Variants in SLC2A13 observed in about 807,000 individuals in gnomAD.
The protein encoded by SLC2A13 is solute carrier family 2 member 13, also known as proton myo-inositol cotransporter.
Under a neutral mutation model 64.4 loss-of-function variants are expected in SLC2A13, and 32 were observed. That is an observed-to-expected ratio of 0.50 (90% confidence interval 0.37 to 0.67). The LOEUF is 0.67. Among genes scored for constraint, SLC2A13 ranks in the 30% least tolerant of loss-of-function variants. SLC2A13 has a pLI of 0.00. For synonymous variants in SLC2A13, 338 were observed against 327.1 expected, an observed-to-expected ratio of 1.03 and a Z score of -0.36; for missense variants, 743 against 829.2, an observed-to-expected ratio of 0.90 and a Z score of 1.28.
chr12:39,841,323 G>A (rs1304430090), intron 6 of SLC2A13, among the ~76,000 whole-genome samples: 15 of 152,090 alleles, frequency 9.9e-5, no homozygotes, highest in Non-Finnish European at 1.5e-5. Context: ...GCAACTGATT[G>A]TCTAATCCTT....
intron 5 of SLC2A13, among the ~76,000 whole-genome samples, chr12:39,868,821 G>T (rs753614318): frequency 1.3e-5 from 2 of 152,044 alleles, no homozygotes; most frequent in Non-Finnish European, 2.9e-5. Context: ...CACCAAAAAT[G>T]TCCTACATTT....
intron 4 of SLC2A13, among the ~76,000 whole-genome samples, chr12:39,932,024 A>G (rs1366175664): frequency 6.6e-6 from 1 of 152,138 alleles, no homozygotes; most frequent in African/African-American, 2.4e-5. Flanking sequence ...ACCTTGCACA[A>G]TATAACTTGG....
At chr12:40,061,107 A>G (rs1027164901) in intron 1 of SLC2A13, among the ~76,000 whole-genome samples, 1 of 152,094 alleles carries the variant, frequency 6.6e-6, no homozygotes, top group East Asian at 1.9e-4. Flanking sequence ...CTTCCAAACT[A>G]CTTGAGAAAA....
At chr12:39,869,061 C>A (rs1943978167) in intron 5 of SLC2A13, among the ~76,000 whole-genome samples, 2 of 152,010 alleles carry the variant, frequency 1.3e-5, no homozygotes, top group Non-Finnish European at 1.5e-5. Context: ...GAGGCTATAG[C>A]CAATTTAAGA....
At chr12:39,783,608 T>A (rs1274355052) in intron 7 of SLC2A13, among the ~76,000 whole-genome samples, 1 of 152,256 alleles carries the variant, frequency 6.6e-6, no homozygotes, top group Admixed American at 6.5e-5. Context: ...GATTTGCATT[T>A]CTCTCATGGC....
At chr12:40,035,550 T>C (rs1373222264) in intron 2 of SLC2A13, among the ~76,000 whole-genome samples, 1 of 152,168 alleles carries the variant, frequency 6.6e-6, no homozygotes, top group Non-Finnish European at 1.5e-5. Flanking sequence ...AGCTAGAGAA[T>C]AAACATAAGA....
At chr12:39,990,152 C>A (rs897518467) in intron 3 of SLC2A13, among the ~76,000 whole-genome samples, 10 of 152,140 alleles carry the variant, frequency 6.6e-5, no homozygotes, top group Non-Finnish European at 2.9e-5. Context: ...TCATAACGAT[C>A]AAATATTAGT....
intron 7 of SLC2A13, among the ~76,000 whole-genome samples, chr12:39,828,203 G>T (rs752733304): frequency 2.6e-5 from 4 of 152,026 alleles, no homozygotes; most frequent in Non-Finnish European, 5.9e-5. Flanking sequence ...CAATAGCAGT[G>T]GTCCACCTAG....
rs1195094871 is a variant in SLC2A13 at position 40,100,742 on chromosome 12, TC to T, written c.556+4510del. Among the ~76,000 whole-genome samples the T allele has an allele frequency of 2.6e-5, 4 of 152,040 alleles. No homozygotes were observed. The South Asian group carries it at 8.3e-4, about 32-fold the overall frequency. On this transcript the variant is annotated intron_variant, in intron 1 of 9. Transcript: ENST00000280871. ...ACTTTGGAAGGCCGAAGCAGGCAGA[TC>T]ACCTGAGATCAGGAGTTCGAGACCA...
intron 7 of SLC2A13, among the ~76,000 whole-genome samples, chr12:39,812,127 G>A (rs1450792548): frequency 1.3e-5 from 2 of 152,170 alleles, no homozygotes; most frequent in East Asian, 3.9e-4. Flanking sequence ...CCAAGATCTA[G>A]GCACAAGAAG....
intron 7 of SLC2A13, among the ~76,000 whole-genome samples, chr12:39,803,077 A>G (rs947849086): frequency 9.2e-5 from 14 of 152,132 alleles, no homozygotes; most frequent in African/African-American, 3.1e-4. Context: ...GGAGAAGTAA[A>G]GTACAGCCAT....
intron 3 of SLC2A13, among the ~76,000 whole-genome samples, chr12:39,990,067 G>C (rs1021409188): frequency 7.2e-5 from 11 of 152,066 alleles, no homozygotes; most frequent in Admixed American, 1.3e-4. Context: ...TCCAAGTCTA[G>C]GACTCCTTCC....
At chr12:39,888,674 T>C (rs781254041) in intron 4 of SLC2A13, among the ~76,000 whole-genome samples, 1 of 152,226 alleles carries the variant, frequency 6.6e-6, no homozygotes, top group African/African-American at 2.4e-5. Flanking sequence ...TTTGTGAACA[T>C]TGTTTGCTAA....
chr12:39,854,240 G>T (rs952779047), intron 6 of SLC2A13, among the ~76,000 whole-genome samples: 1 of 151,748 alleles, frequency 6.6e-6, no homozygotes, highest in African/African-American at 2.4e-5. Context: ...CTGTAAAATT[G>T]GATAATAATA....
chr12:39,870,599 G>C (rs1307254278), intron 5 of SLC2A13, among the ~76,000 whole-genome samples: 2 of 152,118 alleles, frequency 1.3e-5, no homozygotes, highest in Admixed American at 1.3e-4. Context: ...TTATAAACAT[G>C]GTTTTGAAAC....
chr12:39,933,616 A>C (rs1465318147), intron 4 of SLC2A13, among the ~76,000 whole-genome samples: 1 of 152,188 alleles, frequency 6.6e-6, no homozygotes, highest in African/African-American at 2.4e-5. Flanking sequence ...TTCGTCTGAA[A>C]ATTTAAAATA....
chr12:39,858,745 T>A (rs1943674647), intron 6 of SLC2A13, among the ~76,000 whole-genome samples: 1 of 152,126 alleles, frequency 6.6e-6, no homozygotes, highest in African/African-American at 2.4e-5. Flanking sequence ...TAGCTGGGAT[T>A]ATAGGAGCCT....
chr12:39,962,045 T>C (rs1458836944), intron 3 of SLC2A13, among the ~76,000 whole-genome samples: 1 of 152,234 alleles, frequency 6.6e-6, no homozygotes, highest in South Asian at 2.1e-4. Flanking sequence ...TCTCCCTCTA[T>C]GGAGATGAGC....
At chr12:40,041,946 T>A (rs1413399113) in intron 2 of SLC2A13, among the ~76,000 whole-genome samples, 1 of 152,124 alleles carries the variant, frequency 6.6e-6, no homozygotes, top group Non-Finnish European at 1.5e-5. Context: ...GTAGTCTTAA[T>A]CCTCCCTGAT....
Sources: gnomAD v4.1 joint callset for allele counts (sites outside exome capture counted in the v4.1 genomes callset) on GRCh38, gnomAD v4.1.1 for gene constraint, MANE v1.5 for transcripts, NCBI Gene and HGNC (gene_info 2026-07-23, HGNC 2026-07-21) for gene names.